The following LRRC4C variants were observed in gnomAD, a reference collection of about 807,000 sequenced individuals.
LRRC4C encodes leucine rich repeat containing 4C.
In LRRC4C, 5 loss-of-function variants were observed where a neutral mutation model predicts 33.6. The ratio of observed to expected loss-of-function variants is 0.15; its 90% CI spans 0.08 to 0.31. The LOEUF is 0.31. Ranked by LOEUF, LRRC4C falls within the 10% of genes least tolerant of loss-of-function variation. The pLI is 1.00. For synonymous variants in LRRC4C, 329 were observed against 302.0 expected, an observed-to-expected ratio of 1.09 and a Z score of -0.93; for missense variants, 560 against 796.7, an observed-to-expected ratio of 0.70 and a Z score of 3.58.
chr11:40,531,380 C>T (rs1495305), intron 3 of LRRC4C, among the ~76,000 whole-genome samples: 56,644 of 151,772 alleles, frequency 0.37, 11,475 homozygotes, highest in East Asian at 0.65. Context: ...TCAAGAGAGT[C>T]GAATTCACCT....
At chr11:40,451,037 A>G (rs1197265464) in intron 3 of LRRC4C, among the ~76,000 whole-genome samples, 2 of 151,378 alleles carry the variant, frequency 1.3e-5, no homozygotes, top group African/African-American at 4.9e-5. Flanking sequence ...TAATAGATGT[A>G]ACTCTCTCTA....
rs533695161 is a variant in LRRC4C, at chr11:40,541,298, G to A, written c.-270+106844C>T. The stretch of plus-strand genomic sequence containing the variant: ...CTGGGCTCAAGTGATCCTCTTGCAG[G>A]GTCATGCTTTCTTGCCCAGGCTGGT... On this transcript the variant is annotated intron_variant, in intron 3 of 6. Coordinates refer to ENST00000528697, the MANE Select transcript of LRRC4C (RefSeq NM_001258419.2). Among the ~76,000 whole-genome samples the A allele has an allele frequency of 2.6e-5, 4 of 152,098 alleles. No homozygotes were observed. In the East Asian group the frequency reaches 7.7e-4, roughly 29 times the overall value.
chr11:41,253,134 C>A (rs1221108648), intron 1 of LRRC4C, among the ~76,000 whole-genome samples: 1 of 152,086 alleles, frequency 6.6e-6, no homozygotes, highest in East Asian at 1.9e-4. Context: ...TGTAGACCAA[C>A]TTTGAAGGCA....
intron 1 of LRRC4C, among the ~76,000 whole-genome samples, chr11:40,985,093 C>G (rs974629957): frequency 2.0e-5 from 3 of 151,518 alleles, no homozygotes; most frequent in Non-Finnish European, 4.4e-5. Flanking sequence ...GCAAGACAAG[C>G]AGGGGGAGGA....
At chr11:40,354,481 G>A (rs905119203) in intron 3 of LRRC4C, among the ~76,000 whole-genome samples, 1 of 152,180 alleles carries the variant, frequency 6.6e-6, no homozygotes, top group African/African-American at 2.4e-5. Flanking sequence ...GCCAGGGCCT[G>A]TACTCGGGAA....
intron 3 of LRRC4C, among the ~76,000 whole-genome samples, chr11:40,647,010 A>G (rs1207904415): frequency 6.6e-6 from 1 of 152,208 alleles, no homozygotes; most frequent in Non-Finnish European, 1.5e-5. Flanking sequence ...AAACACCTCC[A>G]TAGCTAGGTT....
chr11:41,057,872 G>A (rs567306634), intron 1 of LRRC4C, among the ~76,000 whole-genome samples: 108 of 152,246 alleles, frequency 7.1e-4, no homozygotes, highest in Non-Finnish European at 5.7e-4. Flanking sequence ...TTGTGTAGCC[G>A]AGAGGAGCTA....
chr11:40,318,552 A>G lies in LRRC4C; in HGVS notation c.-176+1076T>C, dbSNP rs114240080. Among the ~76,000 whole-genome samples the G allele has an allele frequency of 3.7e-3, 561 of 152,220 alleles. 7 individuals carry two copies. Among genetic ancestry groups the G allele is most frequent in the African/African-American group, 0.013 (534 of 41,538 alleles). On this transcript the variant is annotated intron_variant, in intron 4 of 6. Coordinates refer to ENST00000528697, the MANE Select transcript of LRRC4C (RefSeq NM_001258419.2). ...CCATTATTTTACTTTCTTCAAGCTT[A>G]TGATTCCTTTTTATATTTTCAATAC...
chr11:41,110,110 C>A (rs1249458948), intron 1 of LRRC4C, among the ~76,000 whole-genome samples: 1 of 152,028 alleles, frequency 6.6e-6, no homozygotes, highest in South Asian at 2.1e-4. Flanking sequence ...AACTACTCTG[C>A]TTATCTATAT....
chr11:40,422,871 A>T (rs1442829614), intron 3 of LRRC4C, among the ~76,000 whole-genome samples: 1 of 152,200 alleles, frequency 6.6e-6, no homozygotes, highest in Non-Finnish European at 1.5e-5. Context: ...TAAATCCAGT[A>T]ATTAAATTTC....
chr11:40,782,241 CA>C (rs755808476), intron 2 of LRRC4C, among the ~76,000 whole-genome samples: 7 of 152,048 alleles, frequency 4.6e-5, no homozygotes, highest in Non-Finnish European at 1.0e-4. Flanking sequence ...GTCATAGTAA[CA>C]TTTTTTTGGT....
chr11:41,285,397 T>TCTAC (rs1300945252), intron 1 of LRRC4C, among the ~76,000 whole-genome samples: 1 of 152,222 alleles, frequency 6.6e-6, no homozygotes, highest in African/African-American at 2.4e-5. Context: ...TTTTTAAATA[T>TCTAC]CTACTGTTTA....
chr11:40,453,496 A>G (rs1048671191), intron 3 of LRRC4C, among the ~76,000 whole-genome samples: 1 of 152,064 alleles, frequency 6.6e-6, no homozygotes, highest in African/African-American at 2.4e-5. Context: ...ATTCTTATGT[A>G]TTAATACAAT....
chr11:40,557,380 T>C (rs1287852353), intron 3 of LRRC4C, among the ~76,000 whole-genome samples: 6 of 152,180 alleles, frequency 3.9e-5, no homozygotes, highest in Non-Finnish European at 5.9e-5. Flanking sequence ...GACAAATATC[T>C]TGATGAGCTA....
At chr11:40,512,323 G>A (rs1427894528) in intron 3 of LRRC4C, among the ~76,000 whole-genome samples, 1 of 152,022 alleles carries the variant, frequency 6.6e-6, no homozygotes, top group African/African-American at 2.4e-5. Flanking sequence ...GCAGTGAGCC[G>A]AGATCATACC....
intron 1 of LRRC4C, among the ~76,000 whole-genome samples, chr11:41,087,250 C>T (rs1940068695): frequency 6.6e-6 from 1 of 152,070 alleles, no homozygotes; most frequent in African/African-American, 2.4e-5. Context: ...TGAATCCACG[C>T]CCATTTCAGT....
At chr11:40,353,342 G>T (rs1947503401) in intron 3 of LRRC4C, among the ~76,000 whole-genome samples, 2 of 151,674 alleles carry the variant, frequency 1.3e-5, no homozygotes, top group South Asian at 4.2e-4. Flanking sequence ...TCTTTCTTTT[G>T]CATGATCAAT....
intron 2 of LRRC4C, among the ~76,000 whole-genome samples, chr11:40,847,781 C>CTT (rs34141578): frequency 9.1e-6 from 1 of 109,656 alleles, no homozygotes; most frequent in Non-Finnish European, 1.9e-5. Flanking sequence ...TGGTCCTGGG[C>CTT]TTTTTTTTTT....
At chr11:40,199,467 T>C (rs955708465) in intron 5 of LRRC4C, among the ~76,000 whole-genome samples, 4 of 152,192 alleles carry the variant, frequency 2.6e-5, no homozygotes, top group African/African-American at 9.7e-5. Flanking sequence ...TTTGTTTTTG[T>C]TTTTAACCCT....
Sources: allele counts gnomAD v4.1 joint callset (sites outside exome capture counted in the v4.1 genomes callset), GRCh38; gene constraint gnomAD v4.1.1; transcripts MANE v1.5; gene names NCBI Gene and HGNC (gene_info 2026-07-23, HGNC 2026-07-21).